Variants in PCM1 observed in about 807,000 individuals in gnomAD.
PCM1 encodes the protein pericentriolar material 1 protein.
PCM1 carries 157 observed loss-of-function variants against 241.9 expected under a neutral mutation model. The ratio of observed to expected loss-of-function variants is 0.65; its 90% CI spans 0.57 to 0.74. PCM1 has a LOEUF of 0.74. Among genes scored for constraint, PCM1 ranks in the 30% least tolerant of loss-of-function variants. The pLI is 0.00. For synonymous variants in PCM1, 1,085 were observed against 784.9 expected, an observed-to-expected ratio of 1.38 and a Z score of -6.39; for missense variants, 3,478 against 2,360.1, an observed-to-expected ratio of 1.47 and a Z score of -9.81.
At chr8:17,958,622 C>T (rs1563925023) in intron 13 of PCM1, among the ~76,000 whole-genome samples, 2 of 151,832 alleles carry the variant, frequency 1.3e-5, no homozygotes, top group African/African-American at 4.8e-5. Flanking sequence ...GAGTGAAAAA[C>T]CTCAAGTTTT....
At chr8:17,943,349 G>T (rs531883950) in intron 6 of PCM1, among the ~76,000 whole-genome samples, 2 of 152,180 alleles carry the variant, frequency 1.3e-5, no homozygotes, top group African/African-American at 2.4e-5. Flanking sequence ...ATGTGCCCCA[G>T]TTCACCAGTA....
chr8:18,009,521 A>T (rs2092127599), intron 30 of PCM1, 26 bp from the exon 31 acceptor site: 1 of 1,484,614 alleles, frequency 6.7e-7, no homozygotes, highest in East Asian at 2.4e-5. Flanking sequence ...CTGTCTTTAA[A>T]AATTATTTGG....
Position 18,011,384 on chromosome 8 carries a change from G to GT in PCM1, c.5350+19dup, listed in dbSNP as rs1318666663. 6.6e-7 allele frequency: 1 copy of GT among 1,508,584 alleles called. No homozygotes were observed. The highest frequency in any genetic ancestry group is 2.3e-5 in the Admixed American group (1 of 44,414). The allele number at this position is 1,508,584 out of a possible 1,614,324, so 93.4% of individuals were successfully genotyped here. A position where few individuals can be genotyped will look rare whatever the true frequency, so the allele number is the denominator to read the frequency against. On this transcript the variant is annotated intron_variant, in intron 33 of 38. Coordinates refer to ENST00000325083, the MANE Select transcript of PCM1 (RefSeq NM_006197.4). ...GTCTATTAGTAAGTTTAAAGGCTCTGTACTATCTTTATACTTTAGTTTTTT... is the reference window on the plus strand; with the variant it reads ...GTCTATTAGTAAGTTTAAAGGCTCTGTTACTATCTTTATACTTTAGTTTTTT...
At chr8:17,972,761 A>G (rs890690679) in intron 23 of PCM1, 74 bp downstream of exon 23, 35 of 878,302 alleles carry the variant, frequency 4.0e-5, no homozygotes, top group Non-Finnish European at 5.0e-5. Flanking sequence ...TGACATAGAT[A>G]TAGTTTCAGT....
intron 29 of PCM1, among the ~76,000 whole-genome samples, chr8:17,994,341 A>G (rs2085828712): frequency 6.6e-6 from 1 of 152,184 alleles, no homozygotes; most frequent in African/African-American, 2.4e-5. Context: ...AGTTCCATCC[A>G]TGTTGTTGCA....
intron 21 of PCM1, 84 bp downstream of exon 21, chr8:17,967,254 C>A: frequency 2.1e-6 from 2 of 944,834 alleles, no homozygotes; most frequent in Non-Finnish European, 3.1e-6. Context: ...GATGTTTTAA[C>A]ATTTTCTTTT....
intron 23 of PCM1, among the ~76,000 whole-genome samples, chr8:17,977,560 C>A (rs1459892901): frequency 6.6e-6 from 1 of 152,162 alleles, no homozygotes; most frequent in Non-Finnish European, 1.5e-5. Context: ...CTCCATGATT[C>A]TTGGAGAAAG....
chr8:18,007,053 G>C (rs2091529953), intron 30 of PCM1, among the ~76,000 whole-genome samples: 1 of 152,176 alleles, frequency 6.6e-6, no homozygotes, highest in Non-Finnish European at 1.5e-5. Context: ...ACAGTGCCAA[G>C]GTTGAGAAAT....
At chr8:17,973,909 CT>C (rs963975592) in intron 23 of PCM1, among the ~76,000 whole-genome samples, 2 of 152,074 alleles carry the variant, frequency 1.3e-5, no homozygotes, top group African/African-American at 2.4e-5. Context: ...ATCTTAATCA[CT>C]TTTGGATAAT....
intron 2 of PCM1, among the ~76,000 whole-genome samples, chr8:17,929,059 A>G (rs2058125727): frequency 6.6e-6 from 1 of 152,058 alleles, no homozygotes; most frequent in Non-Finnish European, 1.5e-5. Context: ...TTAGCTAATG[A>G]CTTTCTTTAT....
At chr8:17,982,206 T>G (rs564654357) in intron 24 of PCM1, among the ~76,000 whole-genome samples, 1 of 152,316 alleles carries the variant, frequency 6.6e-6, no homozygotes, top group Admixed American at 6.5e-5. Flanking sequence ...TCAATCCTAT[T>G]CTTCTGAACC....
chr8:17,972,282 TG>T, intron 22 of PCM1, 46 bp from the exon 23 acceptor site: 1 of 1,130,118 alleles, frequency 8.8e-7, no homozygotes, highest in Non-Finnish European at 1.2e-6. Flanking sequence ...TTGGAGTTTT[TG>T]TAAACTATAG....
Position 17,985,984 on chromosome 8 carries a change from A to G in PCM1, c.4307A>G (p.Glu1436Gly). The G allele has an allele frequency of 6.3e-7, 1 of 1,576,282 alleles. No homozygotes were observed. Among genetic ancestry groups the G allele is most frequent in the Non-Finnish European group, 8.7e-7 (1 of 1,151,458 alleles). Residue 1436 changes from glutamate (E) to glycine (G), a missense_variant, in exon 26 of 39, where the codon GAG becomes GGG. Coordinates refer to ENST00000325083, the MANE Select transcript of PCM1 (RefSeq NM_006197.4). ...LQDIVSRHIS[E>G]SHEKGENVKS... ...GACATAGTATCCAGACATATTTCTG[A>G]GAGCCATGAAAAAGGAGAAAATGTA...
chr8:17,971,363 A>C (rs1458623694), intron 22 of PCM1, among the ~76,000 whole-genome samples: 5 of 152,180 alleles, frequency 3.3e-5, no homozygotes, highest in Admixed American at 3.3e-4. Context: ...CTTGTTGCCC[A>C]CTACCACTTT....
intron 28 of PCM1, among the ~76,000 whole-genome samples, chr8:17,992,516 G>C (rs1243660724): frequency 6.6e-6 from 1 of 151,542 alleles, no homozygotes; most frequent in Non-Finnish European, 1.5e-5. Context: ...TGATGTTAGA[G>C]CATTTTTTCA....
Position 17,961,957 on chromosome 8 carries a change from A to G in PCM1, c.2323-77A>G. ...TATGGCACTAGAGCCTTAGTGCCAT[A>G]TTTAAAGTAACTGCTTTTATGAAAT... On this transcript the variant is annotated intron_variant, in intron 15 of 38. Transcript: ENST00000325083. The G allele has an allele frequency of 5.2e-6, 7 of 1,352,324 alleles. No homozygotes were observed. In the Middle Eastern group the frequency reaches 5.5e-4, roughly 106 times the overall value. The allele number at this position is 1,352,324 out of a possible 1,614,324, so 83.8% of individuals were successfully genotyped here.
At chr8:18,006,939 G>A (rs951532736) in intron 30 of PCM1, among the ~76,000 whole-genome samples, 1 of 152,122 alleles carries the variant, frequency 6.6e-6, no homozygotes, top group Non-Finnish European at 1.5e-5. Flanking sequence ...GAGGAGGACA[G>A]GTACTGGCAA....
intron 36 of PCM1, among the ~76,000 whole-genome samples, chr8:18,020,860 A>G (rs1176769015): frequency 6.6e-6 from 1 of 152,192 alleles, no homozygotes; most frequent in Non-Finnish European, 1.5e-5. Flanking sequence ...AGGGTTTCTC[A>G]CTTGTAGTGG....
intron 38 of PCM1, among the ~76,000 whole-genome samples, chr8:18,026,908 A>C (rs113255710): frequency 7.9e-5 from 12 of 152,210 alleles, no homozygotes; most frequent in African/African-American, 2.7e-4. Flanking sequence ...TCGTAATATA[A>C]TTAAATGGTT....
Sources: gnomAD v4.1 joint callset for allele counts (sites outside exome capture counted in the v4.1 genomes callset) on GRCh38, gnomAD v4.1.1 for gene constraint, MANE v1.5 for transcripts, NCBI Gene and HGNC (gene_info 2026-07-23, HGNC 2026-07-21) for gene names.